Variants in MATR3 observed in about 807,000 individuals in gnomAD.
MATR3 encodes the protein matrin-3.
MATR3 carries 4 observed loss-of-function variants against 85.5 expected under a neutral mutation model. The ratio of observed to expected loss-of-function variants is 0.05; its 90% CI spans 0.02 to 0.11. The LOEUF (loss-of-function observed/expected upper bound fraction) is 0.11, where lower values mean the gene tolerates loss of function less well. Ranked by LOEUF, MATR3 falls within the 10% of genes least tolerant of loss-of-function variation. The probability of loss-of-function intolerance (pLI) is 1.00; values close to 1 mark genes in which losing one functional copy is unlikely to be tolerated. For missense variants in MATR3, 685 were observed against 1,016.1 expected, an observed-to-expected ratio of 0.67 and a Z score of 4.43; for synonymous variants, 336 against 343.1, an observed-to-expected ratio of 0.98 and a Z score of 0.23.
chr5:139,297,204 T>C (rs1205100424), intron 1 of MATR3, among the ~76,000 whole-genome samples: 1 of 152,148 alleles, frequency 6.6e-6, no homozygotes, highest in Non-Finnish European at 1.5e-5. Context: ...GATGATTGAC[T>C]TAACATTTGG....
At chr5:139,320,478 C>T (rs377240160) in intron 9 of MATR3, among the ~76,000 whole-genome samples, 2 of 152,136 alleles carry the variant, frequency 1.3e-5, no homozygotes, top group Middle Eastern at 3.4e-3. Context: ...GTGGCATGCT[C>T]GTACAGTTTT....
intron 2 of MATR3, chr5:139,311,838 G>A (rs1021186271): frequency 7.9e-6 from 1 of 126,818 alleles, no homozygotes; most frequent in Non-Finnish European, 1.6e-5. Flanking sequence ...CGTGATCTTG[G>A]CTCACTGCAT....
In MATR3 at chr5:139,278,232, A is replaced by AAT. The variant is rs376148985; in HGVS notation, c.-256-803_-256-802dup. ...GACAGAGTGAGACCCTATCTCAAAAAATATATATATATATATACACACACA... is the reference window on the plus strand; with the variant it reads ...GACAGAGTGAGACCCTATCTCAAAAAATATATATATATATATATACACACACA... On this transcript the variant is annotated intron_variant, in intron 2 of 16. Transcript: ENST00000509990. 3.4e-3 allele frequency: 1,095 copies of AAT among 317,764 alleles called. 8 individuals are homozygous for AAT. Among genetic ancestry groups the AAT allele is most frequent in the African/African-American group, 0.021 (931 of 45,226 alleles). 19.7% of individuals were successfully genotyped at this position (317,764 alleles called of 1,614,324 possible).
rs1190247069 is a variant in MATR3, at chr5:139,322,686, G to A, written c.1867G>A (p.Glu623Lys). 5 of 1,614,136 alleles carry A rather than the reference G, an allele frequency of 3.1e-6. No homozygotes were observed. Among genetic ancestry groups the A allele is most frequent in the East Asian group, 2.2e-5 (1 of 44,884 alleles). ...DGSQKTESST[E>K]GKEQEEKSGE... ...TTCCCAGAAGACTGAGAGTTCAACC[G>A]AAGGTAAAGAACAAGAAGAGAAGTC... Residue 623 changes from glutamate to lysine, a missense_variant, in exon 12 of 15, where the codon GAA (glutamate) becomes AAA (lysine). Around this residue, in one of 9 missense-constraint regions of MATR3, gnomAD observed 215 missense variants for 194.7 expected, o/e 1.10. Transcript: ENST00000394805.
intron 1 of MATR3, among the ~76,000 whole-genome samples, chr5:139,303,152 A>C (rs1403106867): frequency 6.6e-6 from 1 of 151,892 alleles, no homozygotes; most frequent in Non-Finnish European, 1.5e-5. Context: ...CCCAGGCTGG[A>C]GTGCAGTGCC....
chr5:139,319,142 C>T, intron 8 of MATR3, 109 bp downstream of exon 8: 1 of 1,354,754 alleles, frequency 7.4e-7, no homozygotes, highest in South Asian at 1.2e-5. Flanking sequence ...TGGCTCACGC[C>T]TGTAATCCCA....
At chr5:139,315,520 G>C in intron 3 of MATR3, 177 bp from the exon 4 acceptor site, 2 of 544,058 alleles carry the variant, frequency 3.7e-6, no homozygotes, top group Admixed American at 6.9e-5. Flanking sequence ...GGATTATTTT[G>C]AAGTTCTGAA....
chr5:139,299,260 C>G (rs1754318795), intron 1 of MATR3, among the ~76,000 whole-genome samples: 1 of 152,198 alleles, frequency 6.6e-6, no homozygotes, highest in Non-Finnish European at 1.5e-5. Context: ...TTTATTTACA[C>G]AAGCATTGAG....
At chr5:139,315,787 G>C in intron 4 of MATR3, 49 bp downstream of exon 4, 1 of 1,410,528 alleles carries the variant, frequency 7.1e-7, no homozygotes, top group Non-Finnish European at 1.0e-6. Context: ...TCAATGTAAG[G>C]AATTCAGGTT....
intron 1 of MATR3, among the ~76,000 whole-genome samples, chr5:139,274,931 A>G (rs1015151452): frequency 5.3e-5 from 8 of 151,950 alleles, no homozygotes; most frequent in Admixed American, 5.2e-4. Flanking sequence ...CTAAAAAAAA[A>G]TGGTGACTGT....
At chr5:139,327,953 C>G (rs1264095551) in intron 14 of MATR3, among the ~76,000 whole-genome samples, 5 of 151,942 alleles carry the variant, frequency 3.3e-5, no homozygotes, top group African/African-American at 9.6e-5. Context: ...CCTCTGCGTC[C>G]CGGGTTCAAG....
chr5:139,311,049 G>GGC (rs1447271369), intron 2 of MATR3: 2 of 152,056 alleles, frequency 1.3e-5, no homozygotes, highest in Non-Finnish European at 2.9e-5. Context: ...TCACTGCCTT[G>GGC]GCCTCCCAAA....
At chr5:139,323,506 C>T (rs1463225259) in intron 12 of MATR3, among the ~76,000 whole-genome samples, 1 of 152,156 alleles carries the variant, frequency 6.6e-6, no homozygotes, top group Non-Finnish European at 1.5e-5. Flanking sequence ...TACACACATG[C>T]TATAAAGAAG....
intron 3 of MATR3, chr5:139,279,207 T>G (rs1318653445): frequency 2.9e-5 from 13 of 452,686 alleles, no homozygotes; most frequent in African/African-American, 2.4e-4. Flanking sequence ...AAAATTATGA[T>G]GTGAAAAATT....
intron 3 of MATR3, chr5:139,315,173 G>C (rs1755179994): frequency 1.5e-5 from 3 of 202,854 alleles, no homozygotes; most frequent in Non-Finnish European, 3.0e-5. Flanking sequence ...TTGCTTTTGA[G>C]ATCTTTGGTT....
chr5:139,317,976 G>A (rs1755338930), intron 7 of MATR3, among the ~76,000 whole-genome samples: 1 of 152,126 alleles, frequency 6.6e-6, no homozygotes, highest in Non-Finnish European at 1.5e-5. Flanking sequence ...GGAAAATTCT[G>A]TGGAAAGCCA....
In MATR3 at chr5:139,307,008, A is replaced by G. The variant is rs1292219719; in HGVS notation, c.-177-231A>G. On this transcript the variant is annotated intron_variant, in intron 1 of 14. Transcript: ENST00000394805. This position sits in a 1 kb window ranked among gnomAD's most constrained non-coding sequence, Gnocchi z 4.4. ...CAATTTACATGTTTTTAAACTCAGT[A>G]TGAAAGTCCCTTTAATAGTTAAGCT... Among the ~76,000 whole-genome samples, 1 of 152,176 alleles carries G rather than the reference A, an allele frequency of 6.6e-6. No individual in the cohort carries two copies. The highest frequency in any genetic ancestry group is 1.5e-5 in the Non-Finnish European group (1 of 68,026).
chr5:139,293,614 A>G, upstream of MATR3: 1 of 186,512 alleles, frequency 5.4e-6, no homozygotes, highest in African/African-American at 2.4e-5. Flanking sequence ...GAGTAGGGGG[A>G]GGGGCCTGGC....
At chr5:139,296,000 C>T (rs1465554041) in intron 1 of MATR3, among the ~76,000 whole-genome samples, 2 of 152,022 alleles carry the variant, frequency 1.3e-5, no homozygotes, top group African/African-American at 4.8e-5. Flanking sequence ...ATTTTTTGAT[C>T]GTCTGTAGAG....
Sources: gnomAD v4.1 joint callset for allele counts (sites outside exome capture counted in the v4.1 genomes callset) on GRCh38, gnomAD v4.1.1 for gene constraint, gnomAD v4.1.1 regional missense constraint, Gnocchi (gnomAD v3.1) non-coding constraint, MANE v1.5 for transcripts, NCBI Gene and HGNC (gene_info 2026-07-23, HGNC 2026-07-21) for gene names.